The following PTPRD variants were observed in gnomAD, a reference collection of about 807,000 sequenced individuals.
The protein encoded by PTPRD is receptor-type tyrosine-protein phosphatase delta.
Under a neutral mutation model 214.5 loss-of-function variants are expected in PTPRD, and 34 were observed. The observed-to-expected ratio is 0.16, with a 90% CI of 0.12 to 0.21. The LOEUF is 0.21. PTPRD is among the 10% of genes least tolerant of loss of function. The pLI, the probability that PTPRD is intolerant of heterozygous loss-of-function variation, is 1.00. For synonymous variants in PTPRD, 1,128 were observed against 845.7 expected (o/e 1.33, Z -5.79); for missense variants, 2,545 against 2,398.7 (o/e 1.06, Z -1.27).
intron 39 of PTPRD, among the ~76,000 whole-genome samples, chr9:8,346,026 A>T (rs1433302586): frequency 6.6e-6 from 1 of 151,974 alleles, no homozygotes. Flanking sequence ...CTATATTTCA[A>T]ACTGTCTTCA....
At chr9:8,814,336 C>G (rs1168544439) in intron 11 of PTPRD, among the ~76,000 whole-genome samples, 1 of 151,296 alleles carries the variant, frequency 6.6e-6, no homozygotes, top group Non-Finnish European at 1.5e-5. Context: ...GGGCAGACGG[C>G]AAGACTAAGC....
intron 35 of PTPRD, among the ~76,000 whole-genome samples, chr9:8,416,411 C>G (rs2093940993): frequency 6.6e-6 from 1 of 152,166 alleles, no homozygotes; most frequent in South Asian, 2.1e-4. Flanking sequence ...TGTTTACTAT[C>G]CATGTTCTTT....
At chr9:9,798,280 TTTAA>T (rs2099016763) in intron 5 of PTPRD, among the ~76,000 whole-genome samples, 1 of 152,184 alleles carries the variant, frequency 6.6e-6, no homozygotes, top group African/African-American at 2.4e-5. Flanking sequence ...ATCATATTTA[TTTAA>T]TATGAGTTTT....
chr9:9,681,607 G>A, intron 7 of PTPRD, among the ~76,000 whole-genome samples: 1 of 151,730 alleles, frequency 6.6e-6, no homozygotes, highest in South Asian at 2.1e-4. Context: ...CTTTTAATCA[G>A]GCCATCTTAA....
chr9:10,438,338 C>G (rs2098736253), intron 2 of PTPRD, among the ~76,000 whole-genome samples: 1 of 151,580 alleles, frequency 6.6e-6, no homozygotes, highest in African/African-American at 2.4e-5. Flanking sequence ...ATAGGTTTAT[C>G]AGATTATCAA....
At chr9:9,281,931 C>T (rs1294896843) in intron 9 of PTPRD, among the ~76,000 whole-genome samples, 2 of 151,062 alleles carry the variant, frequency 1.3e-5, no homozygotes, top group Non-Finnish European at 3.0e-5. Flanking sequence ...AAATATTATT[C>T]AACATGAGTT....
rs1456551759 is a variant in PTPRD, at chr9:9,770,286, T to C, written c.-367-3435A>G. Among the ~76,000 whole-genome samples the C allele has an allele frequency of 2.0e-5, 3 of 152,342 alleles. No homozygotes were observed. In the South Asian group the frequency reaches 6.2e-4, roughly 32 times the overall value. On this transcript the variant is annotated intron_variant, in intron 5 of 45. Transcript: ENST00000381196. ...CCAGAATCTGTAGTTTCCTGACTTT[T>C]TAATGATTGCCATTCTTACAGCGTG...
chr9:9,588,480 A>G (rs2092347795), intron 7 of PTPRD, among the ~76,000 whole-genome samples: 1 of 151,930 alleles, frequency 6.6e-6, no homozygotes, highest in African/African-American at 2.4e-5. Flanking sequence ...TCATGTGCCA[A>G]TCCAAATTTT....
intron 8 of PTPRD, among the ~76,000 whole-genome samples, chr9:9,428,597 T>C (rs780488707): frequency 6.6e-6 from 1 of 152,188 alleles, no homozygotes; most frequent in Non-Finnish European, 1.5e-5. Context: ...CAACAGAATA[T>C]ACATTCTTCT....
intron 14 of PTPRD, among the ~76,000 whole-genome samples, chr9:8,530,846 A>C (rs1208869694): frequency 1.3e-5 from 2 of 152,074 alleles, no homozygotes; most frequent in African/African-American, 4.8e-5. Context: ...AGTTATTGTA[A>C]GATAAAATTG....
chr9:9,352,327 ATGTGTGTG>A (rs1055505531), intron 9 of PTPRD, among the ~76,000 whole-genome samples: 47 of 68,442 alleles, frequency 6.9e-4, no homozygotes, highest in African/African-American at 1.9e-3. Context: ...ATATATATAT[ATGTGTGTG>A]TGTGTGTGTG....
At chr9:10,229,824 C>T (rs1230711609) in intron 3 of PTPRD, among the ~76,000 whole-genome samples, 1 of 151,546 alleles carries the variant, frequency 6.6e-6, no homozygotes, top group Non-Finnish European at 1.5e-5. Flanking sequence ...GCACGTTATG[C>T]ACATGTACCC....
At chr9:9,532,760 T>C (rs976806998) in intron 8 of PTPRD, among the ~76,000 whole-genome samples, 2 of 152,120 alleles carry the variant, frequency 1.3e-5, no homozygotes, top group African/African-American at 4.8e-5. Flanking sequence ...TGCATCCCAG[T>C]CTTCCATCCC....
At chr9:8,435,244 C>T (rs1420734705) in intron 35 of PTPRD, among the ~76,000 whole-genome samples, 1 of 152,138 alleles carries the variant, frequency 6.6e-6, no homozygotes, top group Non-Finnish European at 1.5e-5. Context: ...TGCCACAGGC[C>T]TCACTGCTCT....
At chr9:10,489,789 C>A (rs1026340795) in intron 2 of PTPRD, among the ~76,000 whole-genome samples, 1 of 152,114 alleles carries the variant, frequency 6.6e-6, no homozygotes, top group Non-Finnish European at 1.5e-5. Flanking sequence ...TAGGGCAGCA[C>A]TGAGTTCAAT....
rs570175727 is a variant in PTPRD at position 9,629,543 on chromosome 9, C to A, written c.-286-54762G>T. Among the ~76,000 whole-genome samples the A allele has an allele frequency of 5.9e-5, 9 of 152,170 alleles. No homozygotes were observed. The South Asian group carries it at 1.9e-3, about 32-fold the overall frequency. On this transcript the variant is annotated intron_variant, in intron 7 of 45. Coordinates refer to ENST00000381196, the MANE Select transcript of PTPRD (RefSeq NM_002839.4). ...AGACCTATAGCTGAGAAATTAAATG[C>A]ACAAAATACTTCACTTTAAAATTCC... is the stretch of plus-strand genomic sequence containing the variant.
chr9:8,699,596 G>C (rs1251737096), intron 12 of PTPRD, among the ~76,000 whole-genome samples: 1 of 152,104 alleles, frequency 6.6e-6, no homozygotes, highest in Non-Finnish European at 1.5e-5. Context: ...TTTCTGATTT[G>C]TGATTCTACT....
chr9:10,346,247 C>T (rs918836233), intron 2 of PTPRD, among the ~76,000 whole-genome samples: 1 of 152,098 alleles, frequency 6.6e-6, no homozygotes, highest in Non-Finnish European at 1.5e-5. Flanking sequence ...AAAACAAGAA[C>T]CTGTGTTCCT....
intron 14 of PTPRD, among the ~76,000 whole-genome samples, chr9:8,599,543 C>G (rs1382127103): frequency 6.7e-6 from 1 of 148,384 alleles, no homozygotes; most frequent in African/African-American, 2.5e-5. Context: ...ACAAAATTCA[C>G]AGAAAACAAA....
Sources: allele counts gnomAD v4.1 joint callset (sites outside exome capture counted in the v4.1 genomes callset), GRCh38; gene constraint gnomAD v4.1.1; transcripts MANE v1.5; gene names NCBI Gene and HGNC (gene_info 2026-07-23, HGNC 2026-07-21).